MACROD1: variants seen among roughly 807,000 people sequenced by gnomAD.
MACROD1 encodes the protein mono-ADP ribosylhydrolase 1.
A neutral mutation model predicts 41.4 loss-of-function variants in MACROD1; 31 were observed. The ratio of observed to expected loss-of-function variants is 0.75; its 90% CI spans 0.56 to 1.01. The LOEUF (loss-of-function observed/expected upper bound fraction) is 1.01. Among genes scored for constraint, MACROD1 ranks in the 50% least tolerant of loss-of-function variants. MACROD1 has a pLI of 0.00. For missense variants in MACROD1, 473 were observed against 460.0 expected (o/e 1.03, Z -0.26); for synonymous variants, 252 against 203.4 (o/e 1.24, Z -2.03).
At chr11:64,126,106 C>T (rs1945176189) in intron 3 of MACROD1, among the ~76,000 whole-genome samples, 1 of 152,192 alleles carries the variant, frequency 6.6e-6, no homozygotes, top group Non-Finnish European at 1.5e-5. Context: ...TCTGAGTACG[C>T]AGGTGAGAAG....
At chr11:64,045,789 C>T (rs1294880855) in intron 3 of MACROD1, among the ~76,000 whole-genome samples, 1 of 152,146 alleles carries the variant, frequency 6.6e-6, no homozygotes, top group African/African-American at 2.4e-5. Flanking sequence ...TCAGAACTAA[C>T]AATAATAGTA....
chr11:64,028,604 C>G (rs190510955), intron 3 of MACROD1, among the ~76,000 whole-genome samples: 1 of 152,356 alleles, frequency 6.6e-6, no homozygotes, highest in East Asian at 1.9e-4. Flanking sequence ...AAGAATCCCT[C>G]CTCGGCAGCG....
At chr11:64,060,872 G>A (rs950023772) in intron 3 of MACROD1, among the ~76,000 whole-genome samples, 12 of 152,210 alleles carry the variant, frequency 7.9e-5, no homozygotes, top group Admixed American at 3.3e-4. Flanking sequence ...AGCCCTCCAG[G>A]CCGGGCGTGT....
chr11:64,056,383 C>G (rs1943785855), intron 3 of MACROD1, among the ~76,000 whole-genome samples: 1 of 152,180 alleles, frequency 6.6e-6, no homozygotes. Flanking sequence ...TGAACAGGCC[C>G]CCTCTCCTAG....
At chr11:64,123,698 T>C (rs1945135411) in intron 3 of MACROD1, among the ~76,000 whole-genome samples, 1 of 152,030 alleles carries the variant, frequency 6.6e-6, no homozygotes, top group Non-Finnish European at 1.5e-5. Context: ...AAGTGGCCCA[T>C]CCAGTCCTTA....
intron 3 of MACROD1, among the ~76,000 whole-genome samples, chr11:64,083,500 C>A (rs547650177): frequency 6.6e-6 from 1 of 152,316 alleles, no homozygotes; most frequent in East Asian, 1.9e-4. Context: ...CTGTCCGCTT[C>A]GGGTGCCTGG....
chr11:64,019,438 TCCCTGAGGGCAGGTGCAGTA>T (rs1943124765), intron 3 of MACROD1, among the ~76,000 whole-genome samples: 2 of 152,152 alleles, frequency 1.3e-5, no homozygotes, highest in South Asian at 4.1e-4. Context: ...GCACTTGCTG[TCCCTGAGGGCAGGTGCAGTA>T]GCTCCCCAGT....
intron 3 of MACROD1, among the ~76,000 whole-genome samples, chr11:64,046,678 T>G (rs1448521817): frequency 1.3e-5 from 2 of 152,136 alleles, no homozygotes; most frequent in Non-Finnish European, 1.5e-5. Context: ...TTTGTATTTT[T>G]AATAGAAGCA....
intron 4 of MACROD1, among the ~76,000 whole-genome samples, chr11:64,007,703 C>T (rs1483613471): frequency 6.6e-6 from 1 of 152,228 alleles, no homozygotes; most frequent in African/African-American, 2.4e-5. Flanking sequence ...TGCTGAAGCA[C>T]AGCCCCCTCC....
chr11:64,014,962 G>A (rs1313369959), intron 4 of MACROD1, among the ~76,000 whole-genome samples: 1 of 152,226 alleles, frequency 6.6e-6, no homozygotes, highest in African/African-American at 2.4e-5. Context: ...AGGTCACAGG[G>A]AGATCAAGGT....
At chr11:64,043,254 C>T (rs1943522545) in intron 3 of MACROD1, among the ~76,000 whole-genome samples, 2 of 152,190 alleles carry the variant, frequency 1.3e-5, no homozygotes, top group African/African-American at 4.8e-5. Flanking sequence ...CCGCCAGACA[C>T]GTGCTGGGAT....
intron 3 of MACROD1, among the ~76,000 whole-genome samples, chr11:64,099,874 G>C (rs1944641456): frequency 6.6e-6 from 1 of 150,826 alleles, no homozygotes; most frequent in East Asian, 2.0e-4. Context: ...GTGAGATGGA[G>C]GGATCGAGAA....
chr11:64,065,800 A>G (rs1232991258), intron 3 of MACROD1, among the ~76,000 whole-genome samples: 1 of 151,194 alleles, frequency 6.6e-6, no homozygotes, highest in East Asian at 1.9e-4. Flanking sequence ...AAAAAAAAAA[A>G]AAAAAAAAAA....
At chr11:64,106,621 T>C (rs1480751425) in intron 3 of MACROD1, among the ~76,000 whole-genome samples, 2 of 152,222 alleles carry the variant, frequency 1.3e-5, no homozygotes, top group Non-Finnish European at 2.9e-5. Flanking sequence ...GTGCCAAGCC[T>C]CTGATCTAGG....
chr11:64,063,295 C>T (rs1943938000), intron 3 of MACROD1, among the ~76,000 whole-genome samples: 2 of 151,896 alleles, frequency 1.3e-5, no homozygotes, highest in Admixed American at 1.3e-4. Flanking sequence ...ATAATATTGG[C>T]CAAATGAGTT....
At chr11:64,029,443 G>A (rs1477276327) in intron 3 of MACROD1, among the ~76,000 whole-genome samples, 1 of 152,124 alleles carries the variant, frequency 6.6e-6, no homozygotes, top group Non-Finnish European at 1.5e-5. Flanking sequence ...CAGTCACAGG[G>A]ACCCCGTCCC....
chr11:64,032,513 C>T (rs534004803), intron 3 of MACROD1, among the ~76,000 whole-genome samples: 12 of 152,212 alleles, frequency 7.9e-5, no homozygotes, highest in African/African-American at 2.2e-4. Context: ...CTTGGCTGCC[C>T]GGTGGTAAGG....
intron 5 of MACROD1, 126 bp from the exon 6 acceptor site, chr11:63,999,889 G>A: frequency 8.8e-7 from 1 of 1,138,686 alleles, no homozygotes; most frequent in Non-Finnish European, 1.2e-6. Context: ...AGCCTCCTCC[G>A]CGAAGGCCCC....
At chr11:64,139,491 G>A (rs1945379268) in intron 3 of MACROD1, among the ~76,000 whole-genome samples, 1 of 152,206 alleles carries the variant, frequency 6.6e-6, no homozygotes, top group Non-Finnish European at 1.5e-5. Flanking sequence ...GAGACCCAGA[G>A]TCCATGGAGC....
Sources: gnomAD v4.1 joint callset for allele counts (sites outside exome capture counted in the v4.1 genomes callset) on GRCh38, gnomAD v4.1.1 for gene constraint, MANE v1.5 for transcripts, NCBI Gene and HGNC (gene_info 2026-07-23, HGNC 2026-07-21) for gene names.